Variants in KCNT2 observed in about 807,000 individuals in gnomAD.
KCNT2 encodes potassium channel subfamily T member 2.
KCNT2 carries 67 observed loss-of-function variants against 153.8 expected under a neutral mutation model. The ratio of observed to expected loss-of-function variants is 0.44; its 90% CI spans 0.36 to 0.53. KCNT2 has a LOEUF of 0.53. KCNT2 is among the 20% of genes least tolerant of loss of function. The pLI, the probability that KCNT2 is intolerant of heterozygous loss-of-function variation, is 0.00. For missense variants in KCNT2, 975 were observed against 1,354.8 expected (o/e 0.72, Z 4.40); for synonymous variants, 500 against 458.8 (o/e 1.09, Z -1.15).
chr1:196,583,161 G>C (rs901773563), intron 1 of KCNT2, among the ~76,000 whole-genome samples: 3 of 151,970 alleles, frequency 2.0e-5, no homozygotes, highest in Admixed American at 1.3e-4. Flanking sequence ...AGAAAGGCAG[G>C]CACATTAATT....
At chr1:196,390,763 G>T (rs1391155419) in intron 13 of KCNT2, among the ~76,000 whole-genome samples, 1 of 151,192 alleles carries the variant, frequency 6.6e-6, no homozygotes, top group Non-Finnish European at 1.5e-5. Flanking sequence ...ATGTATTTGT[G>T]TATGTGTATG....
intron 1 of KCNT2, among the ~76,000 whole-genome samples, chr1:196,534,833 T>C (rs573318115): frequency 1.8e-4 from 27 of 152,306 alleles, no homozygotes; most frequent in Admixed American, 1.1e-3. Flanking sequence ...TTCTGCTGAA[T>C]CATCTGAATG....
At chr1:196,526,055 G>A (rs865896823) in intron 1 of KCNT2, among the ~76,000 whole-genome samples, 49 of 149,188 alleles carry the variant, frequency 3.3e-4, no homozygotes, top group South Asian at 2.9e-3. Flanking sequence ...GTGTGTGTGT[G>A]TGAATCAGCA....
intron 1 of KCNT2, among the ~76,000 whole-genome samples, chr1:196,596,795 A>G (rs1664140296): frequency 6.6e-6 from 1 of 152,016 alleles, no homozygotes; most frequent in South Asian, 2.1e-4. Context: ...TCGACCTCCC[A>G]AGCTGAAGCG....
At chr1:196,354,129 T>C (rs1431643049) in intron 14 of KCNT2, among the ~76,000 whole-genome samples, 3 of 151,878 alleles carry the variant, frequency 2.0e-5, no homozygotes, top group African/African-American at 4.8e-5. Flanking sequence ...TTTCATATTT[T>C]CTTTATGTAT....
chr1:196,384,188 C>T (rs1350443663), intron 13 of KCNT2, among the ~76,000 whole-genome samples: 4 of 152,070 alleles, frequency 2.6e-5, no homozygotes, highest in Non-Finnish European at 5.9e-5. Flanking sequence ...CACAATAAAG[C>T]TGTAAGAAAC....
At chr1:196,474,322 GT>G (rs1358893862) in intron 5 of KCNT2, among the ~76,000 whole-genome samples, 3 of 152,076 alleles carry the variant, frequency 2.0e-5, no homozygotes, top group Non-Finnish European at 4.4e-5. Context: ...GTTCTTAAAT[GT>G]TAAGAATACC....
chr1:196,246,021 A>C (rs139048874), intron 26 of KCNT2, among the ~76,000 whole-genome samples: 1 of 152,254 alleles, frequency 6.6e-6, no homozygotes, highest in East Asian at 1.9e-4. Flanking sequence ...CAGATTAATC[A>C]AAATAAGACT....
intron 8 of KCNT2, among the ~76,000 whole-genome samples, chr1:196,437,669 C>A (rs964257559): frequency 2.7e-5 from 4 of 150,618 alleles, no homozygotes; most frequent in Admixed American, 2.0e-4. Context: ...AGTATAATTT[C>A]TCCATTGCAA....
In KCNT2 at chr1:196,411,464, A is replaced by C. The variant is rs111312705; in HGVS notation, c.1185+11586T>G. ...TTCCAGTTAAAAAAAAAAAAAAAAA[A>C]AAAAACGGCCAGTGAGATTCTGATG... On this transcript the variant is annotated intron_variant, in intron 12 of 27. Transcript: ENST00000294725. Among the ~76,000 whole-genome samples the C allele has an allele frequency of 7.3e-5, 11 of 150,112 alleles. No homozygotes were observed. In the East Asian group the frequency reaches 2.2e-3, roughly 29 times the overall value.
chr1:196,409,009 C>T (rs370089619), intron 12 of KCNT2, among the ~76,000 whole-genome samples: 1 of 150,548 alleles, frequency 6.6e-6, no homozygotes, highest in East Asian at 2.0e-4. Flanking sequence ...TTCAGTTATG[C>T]CATTTTATAC....
intron 1 of KCNT2, among the ~76,000 whole-genome samples, chr1:196,546,906 T>C (rs1280129948): frequency 2.0e-5 from 3 of 151,846 alleles, no homozygotes; most frequent in Non-Finnish European, 2.9e-5. Context: ...CTAAACTGCA[T>C]AGAAAAAGAA....
intron 1 of KCNT2, among the ~76,000 whole-genome samples, chr1:196,550,996 G>A (rs1453881733): frequency 6.6e-6 from 1 of 151,812 alleles, no homozygotes; most frequent in African/African-American, 2.4e-5. Flanking sequence ...GCCAGACTAT[G>A]CTGTCTCAGT....
rs192154479 is a variant in KCNT2 at position 196,374,734 on chromosome 1, T to C, written c.1295-1486A>G. Reference sequence around the variant, plus strand: ...ATCTCAAAATAATTTTGAGTGTGTATGCCCAATCTGTGAAAATAGAGTGAC... The same window carrying C: ...ATCTCAAAATAATTTTGAGTGTGTACGCCCAATCTGTGAAAATAGAGTGAC... On this transcript the variant is annotated intron_variant, in intron 13 of 27. Coordinates refer to ENST00000294725, the MANE Select transcript of KCNT2 (RefSeq NM_198503.5). Among the ~76,000 whole-genome samples the C allele has an allele frequency of 5.3e-5, 8 of 151,888 alleles. No homozygotes were observed. In the East Asian group the frequency reaches 1.5e-3, roughly 29 times the overall value.
At chr1:196,400,916 C>T (rs558153828) in intron 12 of KCNT2, among the ~76,000 whole-genome samples, 1 of 151,824 alleles carries the variant, frequency 6.6e-6, no homozygotes, top group East Asian at 2.0e-4. Flanking sequence ...GCTGCTGTGA[C>T]CTGAGGGCAG....
intron 25 of KCNT2, among the ~76,000 whole-genome samples, chr1:196,274,968 C>A (rs1658417464): frequency 6.6e-6 from 1 of 151,770 alleles, no homozygotes. Context: ...TATATAGTAG[C>A]TAATACCCCC....
At chr1:196,384,707 C>CAAAAA (rs60975976) in intron 13 of KCNT2, among the ~76,000 whole-genome samples, 1 of 75,498 alleles carries the variant, frequency 1.3e-5, no homozygotes, top group Non-Finnish European at 2.7e-5. Flanking sequence ...ACCCCATCTC[C>CAAAAA]AAAAAAAAAA....
intron 1 of KCNT2, among the ~76,000 whole-genome samples, chr1:196,545,880 T>TGGA (rs1657019818): frequency 1.3e-5 from 2 of 152,088 alleles, no homozygotes; most frequent in Admixed American, 1.3e-4. Context: ...ATATTGTACC[T>TGGA]TGTATCATAC....
intron 20 of KCNT2, among the ~76,000 whole-genome samples, chr1:196,318,183 T>C (rs762843440): frequency 4.0e-5 from 6 of 151,682 alleles, no homozygotes; most frequent in Non-Finnish European, 8.8e-5. Context: ...AGCCTCCCTT[T>C]CTATCCCTCT....
Sources: gnomAD v4.1 joint callset for allele counts (sites outside exome capture counted in the v4.1 genomes callset) on GRCh38, gnomAD v4.1.1 for gene constraint, MANE v1.5 for transcripts, NCBI Gene and HGNC (gene_info 2026-07-23, HGNC 2026-07-21) for gene names.